Variants in DOCK3 observed in about 807,000 individuals in gnomAD.
DOCK3 encodes dedicator of cytokinesis 3.
DOCK3 carries 60 observed loss-of-function variants against 265.6 expected under a neutral mutation model. The ratio of observed to expected loss-of-function variants is 0.23; its 90% CI spans 0.18 to 0.28. The LOEUF is 0.28. DOCK3 is among the 10% of genes least tolerant of loss of function. The pLI, the probability that DOCK3 is intolerant of heterozygous loss-of-function variation, is 1.00. For missense variants in DOCK3, 1,981 were observed against 2,594.3 expected, an observed-to-expected ratio of 0.76 and a Z score of 5.14; for synonymous variants, 881 against 938.0, an observed-to-expected ratio of 0.94 and a Z score of 1.11.
chr3:51,015,467 T>C (rs1259639641), intron 5 of DOCK3, among the ~76,000 whole-genome samples: 2 of 151,780 alleles, frequency 1.3e-5, no homozygotes, highest in Non-Finnish European at 2.9e-5. Context: ...CTTGAATTCC[T>C]GCAATAAATC....
At chr3:50,740,654 A>G (rs2038958187) in intron 1 of DOCK3, among the ~76,000 whole-genome samples, 1 of 152,140 alleles carries the variant, frequency 6.6e-6, no homozygotes. Flanking sequence ...GGAAGTGAAC[A>G]TTCAAAATTT....
At chr3:51,309,032 C>G (rs190760202) in intron 27 of DOCK3, among the ~76,000 whole-genome samples, 1 of 151,412 alleles carries the variant, frequency 6.6e-6, no homozygotes, top group Non-Finnish European at 1.5e-5. Context: ...GATGGGTGGC[C>G]GGGCAGAGAC....
chr3:51,055,557 G>A (rs1231747598), intron 5 of DOCK3, among the ~76,000 whole-genome samples: 5 of 152,154 alleles, frequency 3.3e-5, no homozygotes, highest in Non-Finnish European at 7.4e-5. Context: ...GACACATCGA[G>A]GACTGACTTT....
chr3:51,176,382 C>T (rs1002370178), intron 12 of DOCK3, among the ~76,000 whole-genome samples: 7 of 151,784 alleles, frequency 4.6e-5, no homozygotes, highest in South Asian at 2.1e-4. Flanking sequence ...TTTGGGAGGC[C>T]GAAGGCAGGC....
intron 5 of DOCK3, among the ~76,000 whole-genome samples, chr3:51,008,660 CTA>C (rs1273990214): frequency 1.3e-5 from 2 of 151,972 alleles, no homozygotes; most frequent in Non-Finnish European, 2.9e-5. Context: ...ACTTCCAACA[CTA>C]TGTTGACTAG....
rs71858027 is a variant in DOCK3 at position 50,973,049 on chromosome 3, CTTTTTTTTTTTT to C, written c.315+38985_315+38996del. On this transcript the variant is annotated intron_variant, in intron 5 of 52. Transcript: ENST00000266037. ...ACAATCCGTGGCATTCAGTGTGTTT[CTTTTTTTTTTTT>C]TTTTTTTTTTTTGCAGTTCCAACCT... 3.2e-4 allele frequency among the ~76,000 whole-genome samples: 6 copies of C among 19,012 alleles called. 1 individual carries two copies. Among genetic ancestry groups the C allele is most frequent in the South Asian group, 4.6e-3 (1 of 216 alleles). 12.5% of individuals were successfully genotyped at this position (19,012 alleles called of 152,430 possible).
At chr3:51,067,427 T>TTGTGCGTG (rs2081634600) in intron 6 of DOCK3, among the ~76,000 whole-genome samples, 1 of 144,108 alleles carries the variant, frequency 6.9e-6, no homozygotes, top group Non-Finnish European at 1.5e-5. Flanking sequence ...TGAAATATGT[T>TTGTGCGTG]TGTGTGTGTG....
chr3:51,341,120 C>A, intron 37 of DOCK3, 117 bp from the exon 38 acceptor site: 1 of 1,282,194 alleles, frequency 7.8e-7, no homozygotes, highest in Non-Finnish European at 1.0e-6. Flanking sequence ...TGTCCCCGAC[C>A]TGGGCTGCAC....
At chr3:51,130,908 G>A (rs1318487875) in intron 9 of DOCK3, among the ~76,000 whole-genome samples, 3 of 152,042 alleles carry the variant, frequency 2.0e-5, no homozygotes, top group Non-Finnish European at 4.4e-5. Flanking sequence ...GGGTTTCACG[G>A]TGTTGCCCAG....
chr3:51,114,755 C>T (rs1247524948), intron 9 of DOCK3, among the ~76,000 whole-genome samples: 1 of 152,062 alleles, frequency 6.6e-6, no homozygotes. Context: ...CTGCACCCAT[C>T]AACCTGTCAT....
chr3:51,379,541 C>T (rs1244341190), intron 51 of DOCK3: 5 of 985,360 alleles, frequency 5.1e-6, no homozygotes, highest in African/African-American at 1.7e-5. Flanking sequence ...CATCCTGGCC[C>T]CCCCAGTGCC....
chr3:51,117,716 C>A (rs917698023), intron 9 of DOCK3, among the ~76,000 whole-genome samples: 2 of 152,228 alleles, frequency 1.3e-5, no homozygotes, highest in South Asian at 4.1e-4. Context: ...AGGAATTTAT[C>A]CATTTCTTCT....
intron 1 of DOCK3, among the ~76,000 whole-genome samples, chr3:50,725,460 A>G (rs569498920): frequency 5.9e-5 from 9 of 152,352 alleles, no homozygotes; most frequent in African/African-American, 1.9e-4. Context: ...CCAAAAATGG[A>G]AGAGTAAGGA....
At chr3:51,159,712 C>A (rs753629038) in intron 11 of DOCK3, among the ~76,000 whole-genome samples, 13 of 152,190 alleles carry the variant, frequency 8.5e-5, no homozygotes, top group Admixed American at 2.0e-4. Flanking sequence ...AATTATGTAT[C>A]TGTGGCTCTC....
intron 3 of DOCK3, among the ~76,000 whole-genome samples, chr3:50,889,221 C>T (rs1195375067): frequency 6.6e-6 from 1 of 151,772 alleles, no homozygotes; most frequent in East Asian, 1.9e-4. Flanking sequence ...GTAGCTAGGA[C>T]TACAGGTGTG....
At chr3:51,349,454 T>G (rs1374242289) in intron 39 of DOCK3, among the ~76,000 whole-genome samples, 4 of 152,184 alleles carry the variant, frequency 2.6e-5, no homozygotes, top group African/African-American at 9.7e-5. Flanking sequence ...GCTGATTTCA[T>G]CAGCAAAAAA....
At chr3:51,092,344 C>T (rs1260889740) in intron 9 of DOCK3, among the ~76,000 whole-genome samples, 2 of 152,172 alleles carry the variant, frequency 1.3e-5, no homozygotes, top group Non-Finnish European at 2.9e-5. Flanking sequence ...GGGACATCTG[C>T]CATTACTGAG....
intron 38 of DOCK3, among the ~76,000 whole-genome samples, chr3:51,344,663 T>C (rs1467608685): frequency 6.6e-6 from 1 of 152,164 alleles, no homozygotes; most frequent in East Asian, 1.9e-4. Flanking sequence ...TAGAAGTGAC[T>C]GGATTTCAGA....
chr3:51,181,597 A>G (rs368517246), intron 12 of DOCK3, among the ~76,000 whole-genome samples: 12 of 152,286 alleles, frequency 7.9e-5, no homozygotes, highest in Non-Finnish European at 1.3e-4. Context: ...GAAAGGCATA[A>G]TAGCCTATTT....
Sources: allele counts gnomAD v4.1 joint callset (sites outside exome capture counted in the v4.1 genomes callset), GRCh38; gene constraint gnomAD v4.1.1; transcripts MANE v1.5; gene names NCBI Gene and HGNC (gene_info 2026-07-23, HGNC 2026-07-21).